TRAF3IP3: variants seen among roughly 807,000 people sequenced by gnomAD.
The protein encoded by TRAF3IP3 is TRAF3 interacting protein 3.
Under a neutral mutation model 86.5 loss-of-function variants are expected in TRAF3IP3, and 64 were observed. That is an observed-to-expected ratio of 0.74 (90% CI 0.60 to 0.91). The LOEUF (loss-of-function observed/expected upper bound fraction) is 0.91. Ranked by LOEUF, TRAF3IP3 falls within the 40% of genes least tolerant of loss-of-function variation. The probability of loss-of-function intolerance (pLI) is 0.00; values close to 1 mark genes in which losing one functional copy is unlikely to be tolerated. For synonymous variants in TRAF3IP3, 220 were observed against 243.9 expected (o/e 0.90, Z 0.91); for missense variants, 579 against 642.9 (o/e 0.90, Z 1.07).
At chr1:209,761,332 C>G (rs924470958) in intron 3 of TRAF3IP3, among the ~76,000 whole-genome samples, 1 of 152,184 alleles carries the variant, frequency 6.6e-6, no homozygotes, top group African/African-American at 2.4e-5. Context: ...GCCCATTAGT[C>G]TGGCCTGGAA....
chr1:209,761,884 A>C (rs1571912552), intron 3 of TRAF3IP3, among the ~76,000 whole-genome samples: 3 of 152,366 alleles, frequency 2.0e-5, no homozygotes, highest in South Asian at 4.1e-4. Flanking sequence ...AGAGAAAAAA[A>C]AACAACAACT....
chr1:209,765,237 G>GGAAA (rs1378326096), intron 8 of TRAF3IP3, among the ~76,000 whole-genome samples: 5,672 of 107,400 alleles, frequency 0.053, 509 homozygotes, highest in African/African-American at 0.11. Context: ...GAGGAAGGAA[G>GGAAA]GAAGGAAGGA....
chr1:209,779,451 T>C (rs756188636), intron 14 of TRAF3IP3, 77 bp downstream of exon 14: 7 of 1,288,078 alleles, frequency 5.4e-6, no homozygotes, highest in Non-Finnish European at 7.9e-6. Flanking sequence ...ATGGACTACA[T>C]GACCTCCTGG....
At chr1:209,782,021 T>C (rs757022735) in intron 16 of TRAF3IP3, 35 bp from the exon 17 acceptor site, 34 of 1,559,424 alleles carry the variant, frequency 2.2e-5, no homozygotes, top group Admixed American at 1.7e-5. Context: ...AATCCACTCA[T>C]GGCCACTTTC....
chr1:209,777,349 C>T lies in TRAF3IP3; in HGVS notation c.1054-3C>T. ...CTATATTGGCCCTTCCTCCTCCTTACAGGGAGCAGATAGCAGGGACTTACA... is the reference window on the plus strand; with the variant it reads ...CTATATTGGCCCTTCCTCCTCCTTATAGGGAGCAGATAGCAGGGACTTACA... On this transcript the variant is annotated splice_region_variant and splice_polypyrimidine_tract_variant and intron_variant, in intron 11 of 16. Coordinates refer to ENST00000367025, the MANE Select transcript of TRAF3IP3 (RefSeq NM_025228.4). The T allele has an allele frequency of 1.2e-6, 2 of 1,613,318 alleles. No individual in the cohort carries two copies. The highest frequency in any genetic ancestry group is 1.7e-4 in the Middle Eastern group (1 of 6,018).
At chr1:209,771,528 G>C (rs2077525526) in intron 8 of TRAF3IP3, among the ~76,000 whole-genome samples, 1 of 141,670 alleles carries the variant, frequency 7.1e-6, no homozygotes, top group African/African-American at 2.7e-5. Context: ...TGTGTGTGCA[G>C]GTGGAGGTAC....
intron 1 of TRAF3IP3, among the ~76,000 whole-genome samples, chr1:209,757,116 T>C (rs1254892624): frequency 2.0e-5 from 3 of 152,232 alleles, no homozygotes; most frequent in African/African-American, 7.2e-5. Flanking sequence ...TGCAGCATGC[T>C]GCACCAAATC....
rs371035563 is a variant in TRAF3IP3 at position 209,763,041 on chromosome 1, A to G, written c.552-27A>G. ...TGACTTGATTCTTTGGTCCATTATC[A>G]TTATTTTTAATTTCTTCTCTTTCCA... On this transcript the variant is annotated intron_variant, in intron 5 of 16. Coordinates refer to ENST00000367025, the MANE Select transcript of TRAF3IP3 (RefSeq NM_025228.4). 3.8e-5 allele frequency: 62 copies of G among 1,613,204 alleles called. No individual in the cohort carries two copies. In the African/African-American group the frequency reaches 7.7e-4, roughly 20 times the overall value.
At position 209,779,270 on chromosome 1, in the gene TRAF3IP3, T is replaced by C. The variant is rs766448191; in HGVS notation, c.1253-45T>C. On this transcript the variant is annotated intron_variant, in intron 13 of 16. Coordinates refer to ENST00000367025, the MANE Select transcript of TRAF3IP3 (RefSeq NM_025228.4). ...AAAGTTCTGAAAAGAAAACTTTTTG[T>C]AGTAAATATGCTAGCATAGACAAGT... The C allele has an allele frequency of 1.0e-5, 16 of 1,556,480 alleles. No individual in the cohort carries two copies. The East Asian group carries it at 3.6e-4, about 35-fold the overall frequency.
chr1:209,757,364 G>A (rs972140614), intron 1 of TRAF3IP3, among the ~76,000 whole-genome samples: 2 of 152,200 alleles, frequency 1.3e-5, no homozygotes, highest in Non-Finnish European at 2.9e-5. Flanking sequence ...AAGAAGGTAG[G>A]AGGATTCTCA....
intron 1 of TRAF3IP3, 23 bp from the exon 2 acceptor site, chr1:209,759,006 CTTTGT>C (rs2077200662): frequency 6.6e-6 from 1 of 152,386 alleles, no homozygotes; most frequent in Non-Finnish European, 1.5e-5. Context: ...TGATTACTGT[CTTTGT>C]TTTGTTTCTT....
chr1:209,764,571 G>A (rs1272074414), intron 8 of TRAF3IP3, among the ~76,000 whole-genome samples: 3 of 151,870 alleles, frequency 2.0e-5, no homozygotes, highest in Admixed American at 6.6e-5. Flanking sequence ...GCGAAACCCC[G>A]TCTCTACTAA....
chr1:209,773,179 C>G (rs1204313172), intron 9 of TRAF3IP3, among the ~76,000 whole-genome samples, 160 bp downstream of exon 9: 2 of 152,254 alleles, frequency 1.3e-5, no homozygotes, highest in Admixed American at 6.5e-5. Context: ...ACTTTAGTCT[C>G]TAATTCACTA....
chr1:209,773,692 A>G (rs1293175710), intron 9 of TRAF3IP3, among the ~76,000 whole-genome samples: 2 of 152,254 alleles, frequency 1.3e-5, no homozygotes, highest in African/African-American at 4.8e-5. Context: ...TCCTGGCCAC[A>G]TTGATGGCGT....
chr1:209,777,091 C>CTAAAAA (rs1324030123), intron 11 of TRAF3IP3: 1 of 225,964 alleles, frequency 4.4e-6, no homozygotes, highest in African/African-American at 2.3e-5. Context: ...GACCCCATCT[C>CTAAAAA]TAAAAATAAA....
chr1:209,779,799 A>T (rs946206351), intron 14 of TRAF3IP3: 1 of 423,278 alleles, frequency 2.4e-6, no homozygotes, highest in Non-Finnish European at 4.3e-6. Flanking sequence ...CTGTGTATAC[A>T]GAGGGGCAAT....
intron 8 of TRAF3IP3, among the ~76,000 whole-genome samples, chr1:209,770,700 G>GGT (rs529448372): frequency 9.2e-5 from 13 of 140,738 alleles, no homozygotes; most frequent in East Asian, 9.2e-4. Flanking sequence ...TGCATGTGGA[G>GGT]GTGTGTGTGT....
intron 1 of TRAF3IP3, chr1:209,758,410 A>C (rs957774636): frequency 6.6e-6 from 1 of 152,152 alleles, no homozygotes; most frequent in Non-Finnish European, 1.5e-5. Flanking sequence ...GGGCTTGACC[A>C]CACAAAACTC....
intron 9 of TRAF3IP3, among the ~76,000 whole-genome samples, chr1:209,775,044 C>A (rs886679069): frequency 6.6e-6 from 1 of 152,078 alleles, no homozygotes; most frequent in Non-Finnish European, 1.5e-5. Flanking sequence ...GAGATAGGAA[C>A]CCCAAGAAAA....
Sources: gnomAD v4.1 joint callset for allele counts (sites outside exome capture counted in the v4.1 genomes callset) on GRCh38, gnomAD v4.1.1 for gene constraint, MANE v1.5 for transcripts, NCBI Gene and HGNC (gene_info 2026-07-23, HGNC 2026-07-21) for gene names.